The following TBC1D2B variants were observed in gnomAD, a reference collection of about 807,000 sequenced individuals.
TBC1D2B encodes TBC1 domain family member 2B, also known as TBC1 domain family, member 2B.
In TBC1D2B, 64 loss-of-function variants were observed where a neutral mutation model predicts 100.8. The observed-to-expected ratio is 0.64, with a 90% CI of 0.52 to 0.78. The LOEUF (loss-of-function observed/expected upper bound fraction) is 0.78. Ranked by LOEUF, TBC1D2B falls within the 30% of genes least tolerant of loss-of-function variation. TBC1D2B has a pLI of 0.00. For missense variants in TBC1D2B, 1,052 were observed against 1,218.4 expected (o/e 0.86, Z 2.03); for synonymous variants, 480 against 479.7 (o/e 1.00, Z -0.01).
At chr15:78,007,181 G>A (rs2072089979) in intron 10 of TBC1D2B, among the ~76,000 whole-genome samples, 1 of 152,228 alleles carries the variant, frequency 6.6e-6, no homozygotes, top group Non-Finnish European at 1.5e-5. Context: ...GAGAACACAC[G>A]CCCCATCAGC....
intron 3 of TBC1D2B, among the ~76,000 whole-genome samples, chr15:78,033,645 T>G (rs767892241): frequency 8.5e-5 from 13 of 152,226 alleles, no homozygotes; most frequent in Non-Finnish European, 1.6e-4. Flanking sequence ...TAGGTGAACT[T>G]ATTGGAGGTA....
chr15:78,025,585 G>A lies in TBC1D2B; in HGVS notation c.848-88C>T, dbSNP rs968654863. On this transcript the variant is annotated intron_variant, in intron 4 of 12. Coordinates refer to ENST00000300584, the MANE Select transcript of TBC1D2B (RefSeq NM_144572.2). Reference sequence around the variant, plus strand: ...TCTGTCGCCCAGGCTGGAGTGCAGTGGCGCAATGTCGGCTCACTGTAAGCT... The same window carrying A: ...TCTGTCGCCCAGGCTGGAGTGCAGTAGCGCAATGTCGGCTCACTGTAAGCT... The A allele has an allele frequency of 8.9e-6, 9 of 1,012,386 alleles. No homozygotes were observed. In the Admixed American group the frequency reaches 2.4e-4, roughly 26 times the overall value. The allele number at this position is 1,012,386 out of a possible 1,614,324, so 62.7% of individuals were successfully genotyped here.
At chr15:78,040,842 G>GGAAGAAA in intron 3 of TBC1D2B, among the ~76,000 whole-genome samples, 1 of 128,278 alleles carries the variant, frequency 7.8e-6, no homozygotes, top group Non-Finnish European at 1.6e-5. Context: ...AAAGAAAAAA[G>GGAAGAAA]AAAGAAAGAA....
chr15:78,026,135 T>G (rs1213701573), intron 4 of TBC1D2B, among the ~76,000 whole-genome samples: 12 of 145,728 alleles, frequency 8.2e-5, no homozygotes. Flanking sequence ...CACTCAAATG[T>G]ATGTTGGTTT....
chr15:78,032,959 A>T (rs569646501), intron 3 of TBC1D2B, among the ~76,000 whole-genome samples: 21 of 152,330 alleles, frequency 1.4e-4, no homozygotes, highest in African/African-American at 3.8e-4. Context: ...ATGACCAAAA[A>T]TTTTTCTAAA....
In TBC1D2B at chr15:78,053,882, G is replaced by A. The variant is rs1268717115; in HGVS notation, c.514+152C>T. ...GGCTTGCATAAGCTTTGTACATGGA[G>A]GCGCTGGGTAACTGTGGAATGCTGT... On this transcript the variant is annotated intron_variant, in intron 2 of 12. Transcript: ENST00000300584. 3.4e-6 allele frequency: 3 copies of A among 881,002 alleles called. No individual in the cohort carries two copies. The African/African-American group carries it at 5.2e-5, about 15-fold the overall frequency. The allele number at this position is 881,002 out of a possible 1,614,324, so 54.6% of individuals were successfully genotyped here.
At chr15:78,009,370 A>C (rs1168708489) in intron 9 of TBC1D2B, among the ~76,000 whole-genome samples, 1 of 152,068 alleles carries the variant, frequency 6.6e-6, no homozygotes, top group African/African-American at 2.4e-5. Context: ...CTCCATCTCT[A>C]AAAAAACAAA....
intron 3 of TBC1D2B, among the ~76,000 whole-genome samples, chr15:78,036,463 C>T (rs1262889441): frequency 1.3e-5 from 2 of 152,134 alleles, no homozygotes; most frequent in Non-Finnish European, 2.9e-5. Context: ...TCAGTCTTCA[C>T]GAATGGATTA....
At chr15:78,007,503 C>G (rs575423110) in intron 10 of TBC1D2B, among the ~76,000 whole-genome samples, 3 of 152,278 alleles carry the variant, frequency 2.0e-5, no homozygotes, top group African/African-American at 7.2e-5. Context: ...AGTTTCCAGC[C>G]TGGGGAGCTA....
At chr15:78,072,365 C>A (rs1249316564) in intron 1 of TBC1D2B, among the ~76,000 whole-genome samples, 2 of 152,178 alleles carry the variant, frequency 1.3e-5, no homozygotes, top group African/African-American at 4.8e-5. Flanking sequence ...AATTGGAAAG[C>A]CATGAAAAGT....
chr15:78,014,826 G>A (rs964141159), intron 8 of TBC1D2B, among the ~76,000 whole-genome samples: 22 of 152,350 alleles, frequency 1.4e-4, no homozygotes, highest in Non-Finnish European at 2.8e-4. Flanking sequence ...GGATTAGTAT[G>A]TAAAAAGGTA....
intron 1 of TBC1D2B, among the ~76,000 whole-genome samples, chr15:78,075,824 A>T (rs1034317883): frequency 9.2e-5 from 14 of 152,136 alleles, no homozygotes; most frequent in Admixed American, 8.5e-4. Context: ...AAGCTGAGTC[A>T]GCAAAGCTCT....
intron 1 of TBC1D2B, among the ~76,000 whole-genome samples, chr15:78,070,791 G>T (rs1259061813): frequency 6.6e-6 from 1 of 152,200 alleles, no homozygotes; most frequent in African/African-American, 2.4e-5. Flanking sequence ...CCAAGTAGCT[G>T]GGACTAAAGA....
chr15:78,050,547 G>C (rs951834701), intron 2 of TBC1D2B, among the ~76,000 whole-genome samples: 1 of 152,194 alleles, frequency 6.6e-6, no homozygotes, highest in Non-Finnish European at 1.5e-5. Context: ...CCTCCTTTGG[G>C]TTCTAGCTAC....
At chr15:78,040,618 A>AGAG (rs1555420786) in intron 3 of TBC1D2B, among the ~76,000 whole-genome samples, 4 of 132,480 alleles carry the variant, frequency 3.0e-5, no homozygotes, top group Non-Finnish European at 6.1e-5. Context: ...GAGAGAAAGA[A>AGAG]AGAGAGAGAG....
At chr15:78,012,377 A>G (rs1374455990) in intron 9 of TBC1D2B, among the ~76,000 whole-genome samples, 4 of 152,234 alleles carry the variant, frequency 2.6e-5, no homozygotes, top group Admixed American at 2.0e-4. Context: ...CTAGTTTAAA[A>G]GGAAACAAGT....
rs763924402 is a variant in TBC1D2B, at chr15:78,012,993, C to T, written c.2100G>A (p.Leu700=). ...GCTTGGAGGCTGGGTTCTGTTTCTC[C>T]AGCGCCTTCTGCAGCAAGGTCTGGA... is the stretch of plus-strand genomic sequence containing the variant. The part of the protein sequence containing the change: ...GHFQTLLQKA[L]EKQNPASKQI... The change falls in exon 9 of 13, where the codon CTG becomes CTA. Residue 700 remains leucine, a synonymous_variant. Transcript: ENST00000300584. The T allele has an allele frequency of 2.5e-6, 4 of 1,600,380 alleles. No individual in the cohort carries two copies. Among genetic ancestry groups the T allele is most frequent in the East Asian group, 4.5e-5 (2 of 44,562 alleles).
At chr15:78,039,095 G>C (rs1567025390) in intron 3 of TBC1D2B, among the ~76,000 whole-genome samples, 1 of 152,198 alleles carries the variant, frequency 6.6e-6, no homozygotes, top group Admixed American at 6.5e-5. Context: ...TCCTTCTCCA[G>C]AAGTCCTGGC....
chr15:78,028,345 G>T (rs1213890399), intron 4 of TBC1D2B, among the ~76,000 whole-genome samples: 6 of 152,096 alleles, frequency 3.9e-5, no homozygotes, highest in African/African-American at 1.4e-4. Flanking sequence ...CATTGTGGTG[G>T]GCACCTGTAA....
Sources: allele counts gnomAD v4.1 joint callset (sites outside exome capture counted in the v4.1 genomes callset), GRCh38; gene constraint gnomAD v4.1.1; transcripts MANE v1.5; gene names NCBI Gene and HGNC (gene_info 2026-07-23, HGNC 2026-07-21).